Variants in ADAMTS12 observed in about 807,000 individuals in gnomAD.
The protein encoded by ADAMTS12 is ADAM metallopeptidase with thrombospondin type 1 motif 12, also known as A disintegrin and metalloproteinase with thrombospondin motifs 12.
In ADAMTS12, 118 loss-of-function variants were observed where a neutral mutation model predicts 167.8. The observed-to-expected ratio is 0.70, with a 90% confidence interval of 0.61 to 0.82. The LOEUF (loss-of-function observed/expected upper bound fraction) is 0.82. ADAMTS12 is among the 40% of genes least tolerant of loss of function. The pLI is 0.00. For synonymous variants in ADAMTS12, 704 were observed against 716.9 expected, an observed-to-expected ratio of 0.98 and a Z score of 0.29; for missense variants, 1,916 against 1,998.8, an observed-to-expected ratio of 0.96 and a Z score of 0.79.
At chr5:33,543,237 C>A (rs912223300) in intron 22 of ADAMTS12, among the ~76,000 whole-genome samples, 1 of 152,148 alleles carries the variant, frequency 6.6e-6, no homozygotes, top group Non-Finnish European at 1.5e-5. Flanking sequence ...ATAAACACCT[C>A]TATGAAAATA....
intron 2 of ADAMTS12, among the ~76,000 whole-genome samples, chr5:33,839,172 T>C (rs1220972765): frequency 6.6e-6 from 1 of 152,224 alleles, no homozygotes; most frequent in African/African-American, 2.4e-5. Flanking sequence ...TCTCTCCATA[T>C]GTGACTTTTA....
Position 33,577,288 on chromosome 5 carries a change from A to G in ADAMTS12, c.2866-128T>C, listed in dbSNP as rs533420124. On this transcript the variant is annotated intron_variant, in intron 18 of 23. Coordinates refer to ENST00000504830, the MANE Select transcript of ADAMTS12 (RefSeq NM_030955.4). ...GCAGCTAAAATTGTCTGCTATCTACATTTGGTTTCTGTGCTCTTTCAGTTT... is the reference window on the plus strand; with the variant it reads ...GCAGCTAAAATTGTCTGCTATCTACGTTTGGTTTCTGTGCTCTTTCAGTTT... 3.8e-5 allele frequency: 52 copies of G among 1,359,122 alleles called. No homozygotes were observed. The South Asian group carries it at 5.7e-4, about 15-fold the overall frequency. 84.2% of individuals were successfully genotyped at this position (1,359,122 alleles called of 1,614,324 possible). A position where few individuals can be genotyped will look rare whatever the true frequency, so the allele number is the denominator to read the frequency against.
At chr5:33,757,854 T>G (rs2112402856) in intron 2 of ADAMTS12, among the ~76,000 whole-genome samples, 1 of 152,186 alleles carries the variant, frequency 6.6e-6, no homozygotes, top group East Asian at 1.9e-4. Flanking sequence ...CTAGCAGAGG[T>G]CTTGACATAT....
chr5:33,756,925 C>A (rs1745191025), intron 2 of ADAMTS12, among the ~76,000 whole-genome samples: 1 of 152,196 alleles, frequency 6.6e-6, no homozygotes, highest in African/African-American at 2.4e-5. Context: ...GCCACTAACC[C>A]CATGCAGCTG....
At chr5:33,805,922 AT>A (rs948457519) in intron 2 of ADAMTS12, among the ~76,000 whole-genome samples, 50 of 118,712 alleles carry the variant, frequency 4.2e-4, no homozygotes, top group African/African-American at 1.4e-3. Flanking sequence ...GCCACCTCTC[AT>A]TTAAAAAAAA....
At chr5:33,671,194 G>GGGT (rs1435851748) in intron 5 of ADAMTS12, among the ~76,000 whole-genome samples, 1 of 152,194 alleles carries the variant, frequency 6.6e-6, no homozygotes, top group Non-Finnish European at 1.5e-5. Flanking sequence ...AGGTATGAAA[G>GGGT]GGTAGCACAA....
At chr5:33,679,919 C>T (rs1362575341) in intron 5 of ADAMTS12, among the ~76,000 whole-genome samples, 1 of 152,184 alleles carries the variant, frequency 6.6e-6, no homozygotes, top group African/African-American at 2.4e-5. Context: ...CAGCACTGAA[C>T]CTCACACTCT....
At chr5:33,612,488 T>C (rs1394297484) in intron 16 of ADAMTS12, among the ~76,000 whole-genome samples, 2 of 152,050 alleles carry the variant, frequency 1.3e-5, no homozygotes, top group African/African-American at 4.8e-5. Context: ...GGATGTTCTC[T>C]TGTTTCTTTC....
At chr5:33,839,505 A>G (rs1215171745) in intron 2 of ADAMTS12, among the ~76,000 whole-genome samples, 1 of 152,128 alleles carries the variant, frequency 6.6e-6, no homozygotes, top group Non-Finnish European at 1.5e-5. Flanking sequence ...TCTTTACAGG[A>G]TCCCAGGTCA....
At position 33,646,729 on chromosome 5, in the gene ADAMTS12, T is replaced by A. The variant is rs556440851; in HGVS notation, c.1479+2093A>T. Among the ~76,000 whole-genome samples the A allele has an allele frequency of 7.6e-5, 8 of 105,228 alleles. No individual in the cohort carries two copies. In the East Asian group the frequency reaches 2.7e-3, roughly 36 times the overall value. 69.0% of individuals were successfully genotyped at this position (105,228 alleles called of 152,430 possible). A position where few individuals can be genotyped will look rare whatever the true frequency, so the allele number is the denominator to read the frequency against. On this transcript the variant is annotated intron_variant, in intron 9 of 23. Coordinates refer to ENST00000504830, the MANE Select transcript of ADAMTS12 (RefSeq NM_030955.4). The stretch of plus-strand genomic sequence containing the variant: ...AAAAATCACAAAACAAAATAACACG[T>A]AATATGTTAAAAAAACCCCAAACAG...
chr5:33,843,965 T>C (rs1748845534), intron 2 of ADAMTS12, among the ~76,000 whole-genome samples: 2 of 152,242 alleles, frequency 1.3e-5, no homozygotes, highest in South Asian at 4.1e-4. Context: ...GTGGATTTCA[T>C]GGGCATTTAT....
intron 2 of ADAMTS12, among the ~76,000 whole-genome samples, chr5:33,866,752 A>G (rs912522694): frequency 1.3e-5 from 2 of 152,144 alleles, no homozygotes; most frequent in Non-Finnish European, 1.5e-5. Flanking sequence ...TCAGCAAGAA[A>G]AAAAGATAAC....
At chr5:33,533,564 T>G (rs1258799222) in intron 23 of ADAMTS12, among the ~76,000 whole-genome samples, 1 of 152,182 alleles carries the variant, frequency 6.6e-6, no homozygotes, top group East Asian at 1.9e-4. Flanking sequence ...CTGGAAGACA[T>G]GAATAACACT....
At chr5:33,761,060 G>A (rs2112408847) in intron 2 of ADAMTS12, among the ~76,000 whole-genome samples, 1 of 152,320 alleles carries the variant, frequency 6.6e-6, no homozygotes, top group African/African-American at 2.4e-5. Flanking sequence ...GAGAACAATG[G>A]GAGAGAACCT....
chr5:33,884,813 T>G (rs913767777), intron 1 of ADAMTS12, among the ~76,000 whole-genome samples: 1 of 152,170 alleles, frequency 6.6e-6, no homozygotes, highest in African/African-American at 2.4e-5. Context: ...AAAGAAAGAG[T>G]CCCATTTGAA....
At chr5:33,777,416 T>C (rs1745952867) in intron 2 of ADAMTS12, among the ~76,000 whole-genome samples, 1 of 152,068 alleles carries the variant, frequency 6.6e-6, no homozygotes, top group Non-Finnish European at 1.5e-5. Flanking sequence ...ACTAACAGAA[T>C]GAAGGACAAA....
chr5:33,643,476 A>G lies in ADAMTS12; in HGVS notation c.1480-6T>C. On this transcript the variant is annotated splice_polypyrimidine_tract_variant and splice_region_variant and intron_variant, in intron 9 of 23. Coordinates refer to ENST00000504830, the MANE Select transcript of ADAMTS12 (RefSeq NM_030955.4). Reference sequence around the variant, plus strand: ...CACAGTGTCTGGCAGACGTTCTAGAAAACAAATTGCACTTCTTTTGTATTT... The same window carrying G: ...CACAGTGTCTGGCAGACGTTCTAGAGAACAAATTGCACTTCTTTTGTATTT... The G allele has an allele frequency of 6.2e-7, 1 of 1,613,854 alleles. No homozygotes were observed. The highest frequency in any genetic ancestry group is 8.5e-7 in the Non-Finnish European group (1 of 1,179,732).
At chr5:33,582,151 A>G (rs1747096514) in intron 18 of ADAMTS12, among the ~76,000 whole-genome samples, 1 of 152,178 alleles carries the variant, frequency 6.6e-6, no homozygotes, top group Admixed American at 6.5e-5. Context: ...AATCAGACCT[A>G]GATAATTAAA....
chr5:33,885,347 A>AT (rs1750597865), intron 1 of ADAMTS12, among the ~76,000 whole-genome samples: 2 of 152,262 alleles, frequency 1.3e-5, no homozygotes, highest in East Asian at 3.9e-4. Flanking sequence ...TTTTATGATG[A>AT]TGAGATTTGG....
Sources: gnomAD v4.1 joint callset for allele counts (sites outside exome capture counted in the v4.1 genomes callset) on GRCh38, gnomAD v4.1.1 for gene constraint, MANE v1.5 for transcripts, NCBI Gene and HGNC (gene_info 2026-07-23, HGNC 2026-07-21) for gene names.